PNOC: variants seen among roughly 807,000 people sequenced by gnomAD.
The protein encoded by PNOC is prepronociceptin.
Under a neutral mutation model 15.6 loss-of-function variants are expected in PNOC, and 10 were observed. That is an observed-to-expected ratio of 0.64 (90% confidence interval 0.40 to 1.09). The LOEUF (loss-of-function observed/expected upper bound fraction) is 1.09. PNOC is among the 50% of genes least tolerant of loss of function. PNOC has a pLI of 0.01. For missense variants in PNOC, 220 were observed against 223.9 expected (o/e 0.98, Z 0.11); for synonymous variants, 98 against 88.5 (o/e 1.11, Z -0.60).
chr8:28,330,396 A>ATTTTATTTTATTTTTTTTTTTTTT (rs377288105), intron 2 of PNOC, among the ~76,000 whole-genome samples: 64 of 80,408 alleles, frequency 8.0e-4, no homozygotes, highest in African/African-American at 1.3e-3. Flanking sequence ...ATTTTATTTT[A>ATTTTATTTTATTTTTTTTTTTTTT]TTTTTTTTTT....
chr8:28,323,514 C>A (rs540689290), intron 1 of PNOC, among the ~76,000 whole-genome samples: 28 of 152,316 alleles, frequency 1.8e-4, no homozygotes, highest in East Asian at 3.9e-4. Flanking sequence ...CACAGTCCCA[C>A]CGTTACAAAG....
chr8:28,337,062 T>A (rs60023237), intron 2 of PNOC, among the ~76,000 whole-genome samples: 13,193 of 152,046 alleles, frequency 0.087, 644 homozygotes, highest in Middle Eastern at 0.12. Flanking sequence ...TCACAAGGAG[T>A]GAGAAGGGAA....
chr8:28,338,890 TA>T, intron 2 of PNOC, 149 bp from the exon 3 acceptor site: 1 of 1,048,350 alleles, frequency 9.5e-7, no homozygotes, highest in Non-Finnish European at 1.3e-6. Context: ...TCTACGAACC[TA>T]AAACCTGTGT....
At position 28,339,426 on chromosome 8, in the gene PNOC, C is replaced by A. The variant is rs377074844; in HGVS notation, c.513C>A (p.His171Gln). 4.5e-5 allele frequency: 69 copies of A among 1,541,742 alleles called. No homozygotes were observed. The South Asian group carries it at 4.9e-4, about 11-fold the overall frequency. ...CCAGCCAGCGCCGGCGCACCCTGCA[C>A]CAGAATGGTAATGTGTAGCCGGAAG... ...MQSSQRRRTL[H>Q]QNGNV Residue 171 changes from histidine (H) to glutamine (Q), a missense_variant, in exon 3 of 4, where the codon CAC becomes CAA. By Grantham distance (24) the His-to-Gln change is conservative. Coordinates refer to ENST00000301908, the MANE Select transcript of PNOC (RefSeq NM_006228.5).
At chr8:28,342,731 C>T (rs908461112) in intron 3 of PNOC, among the ~76,000 whole-genome samples, 3 of 152,172 alleles carry the variant, frequency 2.0e-5, no homozygotes, top group Non-Finnish European at 2.9e-5. Flanking sequence ...ACAGACCTCC[C>T]GTTTAGTCTA....
chr8:28,339,221 G>C lies in PNOC; in HGVS notation c.308G>C (p.Ser103Thr). The C allele has an allele frequency of 6.2e-7, 1 of 1,612,404 alleles. No homozygotes were observed. The highest frequency in any genetic ancestry group is 8.5e-7 in the Non-Finnish European group (1 of 1,178,480). Residue 103 changes from serine to threonine, a missense_variant, in exon 3 of 4, where the codon AGC becomes ACC. Transcript: ENST00000301908. ...CTGCGGCGAATGCCCCGAGTCCGGA[G>C]CTTGTTCCAGGAGCAGGAAGAGCCC... is the stretch of plus-strand genomic sequence containing the variant. Reference protein sequence around the residue: ...QHLRRMPRVRSLFQEQEEPEP... With the variant: ...QHLRRMPRVRTLFQEQEEPEP...
chr8:28,317,611 G>T (rs1801079892), intron 1 of PNOC, among the ~76,000 whole-genome samples: 1 of 152,182 alleles, frequency 6.6e-6, no homozygotes, highest in Non-Finnish European at 1.5e-5. Context: ...GCCCCTACGT[G>T]GTTGTTGCTC....
chr8:28,321,051 T>A (rs903429784), intron 1 of PNOC, among the ~76,000 whole-genome samples: 9 of 152,098 alleles, frequency 5.9e-5, no homozygotes, highest in African/African-American at 2.2e-4. Context: ...TTGTTGTTGT[T>A]GTTTACAGAC....
intron 1 of PNOC, among the ~76,000 whole-genome samples, chr8:28,319,758 G>A (rs1468248954): frequency 2.6e-5 from 4 of 152,134 alleles, no homozygotes; most frequent in South Asian, 2.1e-4. Flanking sequence ...CTTGCATTCC[G>A]AGTCTGGGTG....
At chr8:28,332,148 A>G (rs556627745) in intron 2 of PNOC, among the ~76,000 whole-genome samples, 1 of 152,308 alleles carries the variant, frequency 6.6e-6, no homozygotes, top group Admixed American at 6.5e-5. Context: ...TAACACCTTC[A>G]CAGTGCTCGC....
intron 2 of PNOC, among the ~76,000 whole-genome samples, chr8:28,330,400 T>TATTTATTTTTTTTTTTTA (rs1431540071): frequency 4.9e-5 from 5 of 102,228 alleles, no homozygotes; most frequent in Non-Finnish European, 1.0e-4. Context: ...TATTTTATTT[T>TATTTATTTTTTTTTTTTA]TTTTTTTTTT....
At chr8:28,322,643 C>T (rs766301087) in intron 1 of PNOC, among the ~76,000 whole-genome samples, 11 of 152,192 alleles carry the variant, frequency 7.2e-5, no homozygotes, top group Non-Finnish European at 1.3e-4. Context: ...CAAAGCCTGG[C>T]TCATAGTGCT....
Position 28,319,723 on chromosome 8 carries a change from G to A in PNOC, c.-24+2407G>A, listed in dbSNP as rs12386891. Among the ~76,000 whole-genome samples the A allele has an allele frequency of 3.5e-3, 538 of 152,170 alleles. 5 individuals carry two copies. The highest frequency in any genetic ancestry group is 0.012 in the African/African-American group (513 of 41,516). On this transcript the variant is annotated intron_variant, in intron 1 of 3. Transcript: ENST00000301908. Reference sequence around the variant, plus strand: ...TCCATCCAGCTCCACAGCTCCCAAAGCCCACGAAGGAAGCTTTGAAATATC... The same window carrying A: ...TCCATCCAGCTCCACAGCTCCCAAAACCCACGAAGGAAGCTTTGAAATATC...
intron 1 of PNOC, among the ~76,000 whole-genome samples, chr8:28,318,472 G>A (rs1340593985): frequency 6.6e-6 from 1 of 152,238 alleles, no homozygotes. Flanking sequence ...TTTCAACATA[G>A]ATGGGAAAAG....
chr8:28,328,991 G>A (rs1050828971), intron 1 of PNOC, 144 bp from the exon 2 acceptor site: 25 of 765,646 alleles, frequency 3.3e-5, no homozygotes, highest in Non-Finnish European at 4.7e-5. Flanking sequence ...TTACACCCCT[G>A]CAAAGTGAAT....
intron 1 of PNOC, among the ~76,000 whole-genome samples, chr8:28,324,651 G>C (rs1801196316): frequency 6.6e-6 from 1 of 152,188 alleles, no homozygotes; most frequent in Non-Finnish European, 1.5e-5. Context: ...ATCACCTGAG[G>C]TCAGGAGTTC....
chr8:28,343,108 C>A lies in PNOC; in HGVS notation c.*214C>A. ...TCCTCCCCAGCCCCCTGGCATGTTT[C>A]ACCACAACCCTGTTGCTACATCAGA... On this transcript the variant is annotated 3_prime_UTR_variant, in exon 4 of 4. Coordinates refer to ENST00000301908, the MANE Select transcript of PNOC (RefSeq NM_006228.5). The A allele has an allele frequency of 2.3e-6, 1 of 442,324 alleles. No homozygotes were observed. The highest frequency in any genetic ancestry group is 3.0e-6 in the Non-Finnish European group (1 of 332,750). The allele number at this position is 442,324 out of a possible 1,614,324, so 27.4% of individuals were successfully genotyped here.
chr8:28,323,324 T>C (rs778187354), intron 1 of PNOC, among the ~76,000 whole-genome samples: 1 of 152,190 alleles, frequency 6.6e-6, no homozygotes. Flanking sequence ...TATTGCCACA[T>C]AGAAGTATTA....
intron 1 of PNOC, among the ~76,000 whole-genome samples, chr8:28,325,763 C>T (rs1481656188): frequency 1.3e-5 from 2 of 151,250 alleles, no homozygotes; most frequent in Non-Finnish European, 2.9e-5. Flanking sequence ...AGGTTAGGTG[C>T]CAGGAGATGA....
Sources: gnomAD v4.1 joint callset for allele counts (sites outside exome capture counted in the v4.1 genomes callset) on GRCh38, gnomAD v4.1.1 for gene constraint, MANE v1.5 for transcripts, NCBI Gene and HGNC (gene_info 2026-07-23, HGNC 2026-07-21) for gene names.